WDPCP: variants seen among roughly 807,000 people sequenced by gnomAD.
The protein encoded by WDPCP is WD repeat-containing and planar cell polarity effector protein fritz homolog.
Under a neutral mutation model 93.1 loss-of-function variants are expected in WDPCP, and 71 were observed. That is an observed-to-expected ratio of 0.76 (90% CI 0.63 to 0.93). WDPCP has a LOEUF of 0.93. WDPCP is among the 40% of genes least tolerant of loss of function. The pLI, the probability that WDPCP is intolerant of heterozygous loss-of-function variation, is 0.00. For synonymous variants in WDPCP, 315 were observed against 315.0 expected (o/e 1.00, Z 0.00); for missense variants, 844 against 887.4 (o/e 0.95, Z 0.62).
At chr2:63,834,460 G>A in the WDPCP span, among the ~76,000 whole-genome samples, 1 of 152,112 alleles carries the variant, frequency 6.6e-6, no homozygotes, top group East Asian at 1.9e-4. Context: ...CTGCTCAGCA[G>A]TTGTGAGAGA....
intron 13 of WDPCP, among the ~76,000 whole-genome samples, chr2:63,308,313 A>G (rs1685906332): frequency 6.6e-6 from 1 of 152,220 alleles, no homozygotes; most frequent in Non-Finnish European, 1.5e-5. Flanking sequence ...AATTAGTTCA[A>G]CCATTGTGGG....
At chr2:63,455,437 T>C (rs199778902) in intron 6 of WDPCP, among the ~76,000 whole-genome samples, 3,047 of 129,104 alleles carry the variant, frequency 0.024, 118 homozygotes, top group African/African-American at 0.083. Context: ...TATATATATA[T>C]ATACACACAC....
chr2:63,211,079 G>A (rs1676748121), intron 14 of WDPCP, among the ~76,000 whole-genome samples: 1 of 152,192 alleles, frequency 6.6e-6, no homozygotes, highest in Admixed American at 6.5e-5. Flanking sequence ...AGACTTAAAC[G>A]TCCCTGTCAG....
chr2:63,658,967 A>G (rs1416251695), intron 2 of WDPCP, among the ~76,000 whole-genome samples: 1 of 152,132 alleles, frequency 6.6e-6, no homozygotes, highest in African/African-American at 2.4e-5. Flanking sequence ...AAACAAATCA[A>G]CTCCAAAATA....
At chr2:63,199,332 C>G (rs1675706462) in intron 14 of WDPCP, among the ~76,000 whole-genome samples, 1 of 152,178 alleles carries the variant, frequency 6.6e-6, no homozygotes, top group South Asian at 2.1e-4. Flanking sequence ...AGGAAAATGC[C>G]TCCAAGGCAT....
chr2:63,165,638 G>A (rs917758034), intron 15 of WDPCP, among the ~76,000 whole-genome samples: 3 of 150,030 alleles, frequency 2.0e-5, no homozygotes, highest in Admixed American at 1.3e-4. Flanking sequence ...AAATTGGTGT[G>A]CTTCAGATTT....
intron 2 of WDPCP, among the ~76,000 whole-genome samples, chr2:63,796,463 G>C (rs1670618696): frequency 6.6e-6 from 1 of 152,242 alleles, no homozygotes; most frequent in African/African-American, 2.4e-5. Flanking sequence ...GGGCACTGCA[G>C]AGTGTAAGAC....
intron 2 of WDPCP, among the ~76,000 whole-genome samples, chr2:63,758,836 G>A (rs900430903): frequency 6.6e-6 from 1 of 151,928 alleles, no homozygotes; most frequent in African/African-American, 2.4e-5. Flanking sequence ...GGAGTGCAGT[G>A]TCCCAGTCTC....
At chr2:63,675,362 A>G (rs1710392173) in intron 2 of WDPCP, among the ~76,000 whole-genome samples, 1 of 151,560 alleles carries the variant, frequency 6.6e-6, no homozygotes, top group Admixed American at 6.6e-5. Context: ...TTTCTATCAT[A>G]CTCTCTCCAT....
In WDPCP at chr2:63,670,172, G is replaced by A. The variant is rs12478270; in HGVS notation, n.309-19334C>T. Among the ~76,000 whole-genome samples the A allele has an allele frequency of 1.6e-3, 251 of 152,246 alleles. 1 individual carries two copies. Among genetic ancestry groups the A allele is most frequent in the Admixed American group, 3.7e-3 (56 of 15,290 alleles). ...GCATAGGGGAGGAGAGCTTTTCAAAGGCTCTAACATGATGTAATTTTATGA... is the reference window on the plus strand; with the variant it reads ...GCATAGGGGAGGAGAGCTTTTCAAAAGCTCTAACATGATGTAATTTTATGA... On this transcript the variant is annotated intron_variant and non_coding_transcript_variant, in intron 2 of 4. Coordinates refer to the WDPCP transcript ENST00000467687.
chr2:63,209,402 A>G (rs1355495236), intron 14 of WDPCP, among the ~76,000 whole-genome samples: 1 of 152,202 alleles, frequency 6.6e-6, no homozygotes, highest in Non-Finnish European at 1.5e-5. Flanking sequence ...TGAGAGACCT[A>G]TAGTTGCTAC....
intron 13 of WDPCP, among the ~76,000 whole-genome samples, chr2:63,274,513 T>C (rs1682923990): frequency 6.6e-6 from 1 of 151,804 alleles, no homozygotes; most frequent in Non-Finnish European, 1.5e-5. Context: ...GACTAATAAA[T>C]AACACAAGAA....
chr2:63,361,000 A>G (rs1690403485), intron 12 of WDPCP, among the ~76,000 whole-genome samples: 1 of 152,210 alleles, frequency 6.6e-6, no homozygotes, highest in Admixed American at 6.5e-5. Flanking sequence ...AATTTTAACT[A>G]TAAGAACAGG....
intron 1 of WDPCP, among the ~76,000 whole-genome samples, chr2:63,507,492 T>A (rs1054528210): frequency 6.6e-6 from 1 of 152,084 alleles, no homozygotes; most frequent in South Asian, 2.1e-4. Flanking sequence ...AGGAAGTTAC[T>A]GGAGGATGTG....
At chr2:63,156,086 G>A (rs1182631857) in intron 15 of WDPCP, among the ~76,000 whole-genome samples, 2 of 151,860 alleles carry the variant, frequency 1.3e-5, no homozygotes, top group South Asian at 2.1e-4. Flanking sequence ...TGCAACCTCC[G>A]CCCCCCGGAT....
chr2:63,537,542 A>T (rs988585597), intron 1 of WDPCP, among the ~76,000 whole-genome samples: 1 of 152,198 alleles, frequency 6.6e-6, no homozygotes, highest in Non-Finnish European at 1.5e-5. Context: ...TGAACACTGA[A>T]GTCTTAGGGT....
intron 1 of WDPCP, among the ~76,000 whole-genome samples, chr2:63,817,796 A>G (rs1670960324): frequency 6.6e-6 from 1 of 152,254 alleles, no homozygotes; most frequent in African/African-American, 2.4e-5. Context: ...GACTACATTT[A>G]TAACTATAGA....
chr2:63,839,972 T>C, the WDPCP span, among the ~76,000 whole-genome samples: 2 of 152,216 alleles, frequency 1.3e-5, no homozygotes, highest in African/African-American at 2.4e-5. Flanking sequence ...CATTTCCATA[T>C]AAAGACGTAG....
At chr2:63,355,383 T>A (rs1689945948) in intron 12 of WDPCP, among the ~76,000 whole-genome samples, 1 of 152,160 alleles carries the variant, frequency 6.6e-6, no homozygotes, top group Non-Finnish European at 1.5e-5. Context: ...ATAAGATCCT[T>A]TTCAGATAGG....
Sources: allele counts gnomAD v4.1 joint callset (sites outside exome capture counted in the v4.1 genomes callset), GRCh38; gene constraint gnomAD v4.1.1; transcripts MANE v1.5; gene names NCBI Gene and HGNC (gene_info 2026-07-23, HGNC 2026-07-21).